Variants in STPG2 observed in about 807,000 individuals in gnomAD.
STPG2 encodes sperm tail PG-rich repeat containing 2.
In STPG2, 56 loss-of-function variants were observed where a neutral mutation model predicts 54.2. The observed-to-expected ratio is 1.03, with a 90% CI of 0.83 to 1.29. The LOEUF (loss-of-function observed/expected upper bound fraction) is 1.29, where lower values mean the gene tolerates loss of function less well. Among genes scored for constraint, STPG2 ranks in the 50% most tolerant of loss-of-function variants. STPG2 has a pLI of 0.00. For synonymous variants in STPG2, 200 were observed against 181.8 expected (o/e 1.10, Z -0.81); for missense variants, 596 against 544.9 (o/e 1.09, Z -0.93).
At chr4:97,884,831 A>C (rs1322300878) in intron 8 of STPG2, among the ~76,000 whole-genome samples, 1 of 152,152 alleles carries the variant, frequency 6.6e-6, no homozygotes, top group Non-Finnish European at 1.5e-5. Flanking sequence ...GAGGAACCTT[A>C]GTGTTATAAA....
At chr4:97,625,802 T>A (rs1248434747) in intron 10 of STPG2, among the ~76,000 whole-genome samples, 1 of 152,202 alleles carries the variant, frequency 6.6e-6, no homozygotes, top group Non-Finnish European at 1.5e-5. Flanking sequence ...ACTAGAGTGA[T>A]AACCACTGTG....
chr4:97,564,654 G>C (rs963026946), intron 10 of STPG2, among the ~76,000 whole-genome samples: 1 of 152,114 alleles, frequency 6.6e-6, no homozygotes, highest in Admixed American at 6.5e-5. Flanking sequence ...CTCAGTGTTT[G>C]CTTGTCTGTA....
chr4:97,625,326 G>A (rs1194280341), intron 10 of STPG2, among the ~76,000 whole-genome samples: 1 of 152,066 alleles, frequency 6.6e-6, no homozygotes, highest in African/African-American at 2.4e-5. Context: ...GATGCAAACT[G>A]GCCTCTTCCA....
rs548821126 is a variant in STPG2 at position 98,089,925 on chromosome 4, C to T, written c.612+16028G>A. Among the ~76,000 whole-genome samples, 7 of 151,814 alleles carry T rather than the reference C, an allele frequency of 4.6e-5. No homozygotes were observed. The South Asian group carries it at 8.3e-4, about 18-fold the overall frequency. On this transcript the variant is annotated intron_variant, in intron 5 of 10. Coordinates refer to ENST00000295268, the MANE Select transcript of STPG2 (RefSeq NM_174952.3). ...ATTTTTTTCTTGTTTATTTGTTTGA[C>T]TTCCTTGTAAATTCTGAATACTAGT...
intron 4 of STPG2, among the ~76,000 whole-genome samples, chr4:97,467,794 C>T (rs1284558798): frequency 6.6e-6 from 1 of 150,520 alleles, no homozygotes; most frequent in East Asian, 1.9e-4. Context: ...TATAAGTCAT[C>T]TCATAGTTTG....
chr4:97,646,269 T>C (rs1037226797), intron 10 of STPG2, among the ~76,000 whole-genome samples: 45 of 152,272 alleles, frequency 3.0e-4, no homozygotes, highest in African/African-American at 1.1e-3. Flanking sequence ...GAAAGTAGGA[T>C]TTATTATAAG....
At chr4:97,593,946 AC>A (rs1733214571) in intron 10 of STPG2, among the ~76,000 whole-genome samples, 1 of 152,116 alleles carries the variant, frequency 6.6e-6, no homozygotes, top group Non-Finnish European at 1.5e-5. Flanking sequence ...AGTCAACTGA[AC>A]CCACAATCAA....
chr4:97,632,457 T>C (rs145062064), intron 10 of STPG2, among the ~76,000 whole-genome samples: 1 of 152,090 alleles, frequency 6.6e-6, no homozygotes, highest in Non-Finnish European at 1.5e-5. Context: ...TATTTACTCA[T>C]AATGTGAGAA....
At chr4:97,735,245 T>C (rs1348318127) in intron 9 of STPG2, among the ~76,000 whole-genome samples, 1 of 151,670 alleles carries the variant, frequency 6.6e-6, no homozygotes, top group Admixed American at 6.6e-5. Flanking sequence ...TGTATACAGA[T>C]ATAATAGGTG....
At chr4:97,903,154 T>A (rs898616053) in intron 8 of STPG2, among the ~76,000 whole-genome samples, 6 of 152,164 alleles carry the variant, frequency 3.9e-5, no homozygotes. Context: ...GCATAGTGAC[T>A]GTAATAATAA....
At chr4:97,916,323 T>G (rs1231555195) in intron 8 of STPG2, 1 of 152,588 alleles carries the variant, frequency 6.6e-6, no homozygotes, top group African/African-American at 2.4e-5. Context: ...GATCTGGACA[T>G]GTTAACTTTG....
chr4:97,619,338 A>T (rs1733949026), intron 10 of STPG2, among the ~76,000 whole-genome samples: 1 of 152,160 alleles, frequency 6.6e-6, no homozygotes, highest in Non-Finnish European at 1.5e-5. Context: ...AGAAAATATA[A>T]AAAAGCAGTA....
At chr4:97,630,620 C>T (rs1354064030) in intron 10 of STPG2, among the ~76,000 whole-genome samples, 2 of 151,870 alleles carry the variant, frequency 1.3e-5, no homozygotes, top group East Asian at 1.9e-4. Flanking sequence ...TTGAAAAACA[C>T]ATTCTTCCTT....
intron 10 of STPG2, among the ~76,000 whole-genome samples, chr4:97,640,113 G>T (rs72617711): frequency 0.05 from 7,592 of 152,064 alleles, 292 homozygotes; most frequent in Admixed American, 0.13. Context: ...ATTGACATGT[G>T]ACACCAGTAG....
chr4:97,622,807 C>G (rs1194331064), intron 10 of STPG2, among the ~76,000 whole-genome samples: 4 of 152,002 alleles, frequency 2.6e-5, no homozygotes, highest in Non-Finnish European at 4.4e-5. Context: ...GCCCCAAAAG[C>G]CAAAGTAATC....
intron 3 of STPG2, among the ~76,000 whole-genome samples, chr4:98,117,142 G>A (rs907439459): frequency 2.6e-5 from 4 of 151,948 alleles, no homozygotes; most frequent in African/African-American, 9.7e-5. Flanking sequence ...AACAAATTCT[G>A]TCAGCTTCCA....
chr4:97,574,200 C>A (rs1732665892), intron 10 of STPG2, among the ~76,000 whole-genome samples: 1 of 151,876 alleles, frequency 6.6e-6, no homozygotes, highest in South Asian at 2.1e-4. Flanking sequence ...TTTAAATAAA[C>A]TCGTGAAACC....
intron 4 of STPG2, among the ~76,000 whole-genome samples, chr4:97,483,629 G>A (rs985975489): frequency 5.3e-5 from 8 of 151,682 alleles, no homozygotes; most frequent in East Asian, 1.9e-4. Context: ...AGTAGTGGGG[G>A]ACTTCACTAT....
At chr4:98,094,462 T>A (rs1010355978) in intron 5 of STPG2, among the ~76,000 whole-genome samples, 3 of 152,094 alleles carry the variant, frequency 2.0e-5, no homozygotes, top group Non-Finnish European at 4.4e-5. Flanking sequence ...ACTCATTCTG[T>A]TTTTAAAAAG....
Sources: gnomAD v4.1 joint callset for allele counts (sites outside exome capture counted in the v4.1 genomes callset) on GRCh38, gnomAD v4.1.1 for gene constraint, MANE v1.5 for transcripts, NCBI Gene and HGNC (gene_info 2026-07-23, HGNC 2026-07-21) for gene names.